The following MORN1 variants were observed in gnomAD, a reference collection of about 807,000 sequenced individuals.
The protein encoded by MORN1 is MORN repeat-containing protein 1.
Under a neutral mutation model 61.9 loss-of-function variants are expected in MORN1, and 67 were observed. That is an observed-to-expected ratio of 1.08 (90% CI 0.89 to 1.33). MORN1 has a LOEUF of 1.33. Among genes scored for constraint, MORN1 ranks in the 40% most tolerant of loss-of-function variants. MORN1 has a pLI of 0.00. For synonymous variants in MORN1, 301 were observed against 292.0 expected (o/e 1.03, Z -0.31); for missense variants, 752 against 691.2 (o/e 1.09, Z -0.99).
At chr1:2,351,215 T>G (rs61762095) in intron 10 of MORN1, 21,484 of 152,266 alleles carry the variant, frequency 0.14, 1,863 homozygotes, top group Middle Eastern at 0.25. Context: ...TCAGAGCCCG[T>G]CTCCCACACT....
intron 10 of MORN1, chr1:2,351,960 C>G (rs1387452011): frequency 1.9e-6 from 1 of 521,726 alleles, no homozygotes; most frequent in East Asian, 4.8e-5. Flanking sequence ...TCCCTCTGCT[C>G]GAGGGACACC....
rs147963914 is a variant in MORN1, at chr1:2,358,628, T to C, written c.833A>G (p.Asp278Gly). 22 of 1,613,978 alleles carry C rather than the reference T, an allele frequency of 1.4e-5. No individual in the cohort carries two copies. Among genetic ancestry groups the C allele is most frequent in the African/African-American group, 9.3e-5 (7 of 74,908 alleles). Residue 278 changes from aspartate to glycine, a missense_variant, in exon 9 of 14, where the codon GAC becomes GGC. Physicochemically the swap from Asp to Gly is moderately conservative, Grantham distance 94. Transcript: ENST00000378531. The part of the protein sequence containing the change: ...AYSEVNFFKV[D>G]RDNQETLIQT... ...GATGAGTGTCTCTTGGTTGTCTCTG[T>C]CCACTTTGAAAAAGTTGACCTCAGA...
At chr1:2,327,943 C>G (rs1347436145) in intron 12 of MORN1, among the ~76,000 whole-genome samples, 1 of 152,246 alleles carries the variant, frequency 6.6e-6, no homozygotes, top group Non-Finnish European at 1.5e-5. Flanking sequence ...CCAGATGCTC[C>G]GAGAAGCCAA....
intron 10 of MORN1, among the ~76,000 whole-genome samples, chr1:2,343,749 G>A (rs1641450976): frequency 1.3e-5 from 2 of 152,230 alleles, no homozygotes. Context: ...CACAGCCGCA[G>A]AGGCCAGCTT....
In MORN1 at chr1:2,322,864, G is replaced by A. The variant is rs542427603; in HGVS notation, c.1297+1233C>T. The A allele has an allele frequency of 5.1e-6, 5 of 985,434 alleles. No individual in the cohort carries two copies. The East Asian group carries it at 4.5e-4, about 90-fold the overall frequency. The allele number at this position is 985,434 out of a possible 1,614,324, so 61.0% of individuals were successfully genotyped here. ...GCTGGCGTCCCGGCGGATGGGAAGG[G>A]TGGGCGGCAAGGGCTCTGGCTGGTG... On this transcript the variant is annotated intron_variant, in intron 13 of 13. Transcript: ENST00000378531.
At chr1:2,339,970 G>A (rs1641359355) in intron 10 of MORN1, among the ~76,000 whole-genome samples, 1 of 152,244 alleles carries the variant, frequency 6.6e-6, no homozygotes, top group African/African-American at 2.4e-5. Flanking sequence ...AGACACAGGC[G>A]CCTCCGCCGC....
chr1:2,325,101 C>G (rs116485075), intron 12 of MORN1, among the ~76,000 whole-genome samples: 3 of 136,822 alleles, frequency 2.2e-5, no homozygotes, highest in Non-Finnish European at 4.7e-5. Context: ...TTCTTTCTCT[C>G]CCCTTTCCTT....
intron 6 of MORN1, 161 bp from the exon 7 acceptor site, chr1:2,374,718 G>A (rs780307014): frequency 5.1e-6 from 3 of 584,760 alleles, no homozygotes; most frequent in Non-Finnish European, 9.1e-6. Flanking sequence ...TCCCTCGGTG[G>A]TGAGAAACTG....
chr1:2,374,615 C>G lies in MORN1; in HGVS notation c.538-58G>C, dbSNP rs915630766. On this transcript the variant is annotated intron_variant, in intron 6 of 13. Transcript: ENST00000378531. ...GCTCCCAAGGGGCTTTTGTGGGTCCCCGCATGGCACTGCAGCTTCCTGGTG... is the reference window on the plus strand; with the variant it reads ...GCTCCCAAGGGGCTTTTGTGGGTCCGCGCATGGCACTGCAGCTTCCTGGTG... 5.8e-5 allele frequency: 83 copies of G among 1,437,632 alleles called. 4 individuals are homozygous for G. The South Asian group carries it at 9.9e-4, about 17-fold the overall frequency. 89.1% of individuals were successfully genotyped at this position (1,437,632 alleles called of 1,614,324 possible).
chr1:2,325,461 GGA>G (rs1569906156), intron 12 of MORN1, among the ~76,000 whole-genome samples: 1 of 150,978 alleles, frequency 6.6e-6, no homozygotes, highest in East Asian at 2.0e-4. Flanking sequence ...ACAGGAGTGT[GGA>G]GTGTGCCACC....
chr1:2,355,513 C>A, intron 10 of MORN1: 5 of 1,547,338 alleles, frequency 3.2e-6, no homozygotes, highest in Non-Finnish European at 4.4e-6. Context: ...CTTCTAGCCA[C>A]CAGCTGGGTG....
chr1:2,336,977 T>C, intron 10 of MORN1, 127 bp from the exon 11 acceptor site: 1 of 1,120,054 alleles, frequency 8.9e-7, no homozygotes, highest in Non-Finnish European at 1.2e-6. Flanking sequence ...CGCGATGCCA[T>C]CTTGGTGGGG....
rs1640873222 is a variant in MORN1 at position 2,321,287 on chromosome 1, C to T, written c.*96G>A. 2 of 981,388 alleles carry T rather than the reference C, an allele frequency of 2.0e-6. No individual in the cohort carries two copies. The allele number at this position is 981,388 out of a possible 1,614,324, so 60.8% of individuals were successfully genotyped here. On this transcript the variant is annotated 3_prime_UTR_variant, in exon 14 of 14. Coordinates refer to ENST00000378531, the MANE Select transcript of MORN1 (RefSeq NM_024848.3). ...CTGAGCATTTTATTCAAGCCAGCAA[C>T]CACGGGGCTCTGGAGAATCGGGGAG... is the stretch of plus-strand genomic sequence containing the variant.
intron 10 of MORN1, among the ~76,000 whole-genome samples, chr1:2,341,605 C>CTTT: frequency 6.6e-6 from 1 of 151,690 alleles, no homozygotes; most frequent in Middle Eastern, 3.4e-3. Context: ...GCACGAGAAT[C>CTTT]GCTTGAACAC....
chr1:2,370,173 G>A (rs756787197), intron 8 of MORN1, among the ~76,000 whole-genome samples: 3 of 152,180 alleles, frequency 2.0e-5, no homozygotes, highest in African/African-American at 4.8e-5. Context: ...AGCAGACGGG[G>A]GGTCCAGGCA....
intron 10 of MORN1, among the ~76,000 whole-genome samples, chr1:2,342,612 C>A (rs1043389140): frequency 6.6e-6 from 1 of 152,134 alleles, no homozygotes; most frequent in African/African-American, 2.4e-5. Flanking sequence ...GACTCCCCTG[C>A]TGTCCCCAGC....
chr1:2,361,155 G>A (rs1320953594), intron 8 of MORN1, among the ~76,000 whole-genome samples: 4 of 152,098 alleles, frequency 2.6e-5, no homozygotes, highest in South Asian at 2.1e-4. Context: ...TACTGAAACC[G>A]GTCCAAAACT....
chr1:2,348,661 A>ACACCTG (rs1466277871), intron 10 of MORN1, among the ~76,000 whole-genome samples: 1 of 136,422 alleles, frequency 7.3e-6, no homozygotes, highest in African/African-American at 2.5e-5. Flanking sequence ...GCACACACGC[A>ACACCTG]CGCACACGCA....
intron 8 of MORN1, among the ~76,000 whole-genome samples, chr1:2,368,586 G>A (rs1642044423): frequency 6.6e-6 from 1 of 152,096 alleles, no homozygotes; most frequent in Admixed American, 6.6e-5. Flanking sequence ...CCTCAATTTG[G>A]TCTTGTGTCT....
Sources: gnomAD v4.1 joint callset for allele counts (sites outside exome capture counted in the v4.1 genomes callset) on GRCh38, gnomAD v4.1.1 for gene constraint, MANE v1.5 for transcripts, NCBI Gene and HGNC (gene_info 2026-07-23, HGNC 2026-07-21) for gene names.